The following ZXDC variants were observed in gnomAD, a reference collection of about 807,000 sequenced individuals.
The protein encoded by ZXDC is zinc finger protein ZXDC.
Under a neutral mutation model 63.6 loss-of-function variants are expected in ZXDC, and 58 were observed. The observed-to-expected ratio is 0.91, with a 90% CI of 0.74 to 1.13. The LOEUF is 1.13. Ranked by LOEUF, ZXDC falls within the 50% of genes most tolerant of loss-of-function variation. The pLI is 0.00. For missense variants in ZXDC, 1,133 were observed against 1,148.9 expected, an observed-to-expected ratio of 0.99 and a Z score of 0.20; for synonymous variants, 561 against 496.1, an observed-to-expected ratio of 1.13 and a Z score of -1.74.
intron 7 of ZXDC, chr3:126,457,815 C>G (rs1205306159): frequency 3.4e-6 from 1 of 298,444 alleles, no homozygotes; most frequent in Non-Finnish European, 5.0e-6. Context: ...GGCTGGGGGT[C>G]TCCTGCAAGA....
chr3:126,452,456 G>C (rs192968047), intron 7 of ZXDC: 1 of 985,244 alleles, frequency 1.0e-6, no homozygotes, highest in African/African-American at 1.7e-5. Flanking sequence ...TGCCACTCTC[G>C]TTCCTAACAG....
At position 126,459,657 on chromosome 3, in the gene ZXDC, A is replaced by G. The variant is rs748202039; in HGVS notation, c.2208T>C (p.Asn736=). 13 of 1,614,160 alleles carry G rather than the reference A, an allele frequency of 8.1e-6. No individual in the cohort carries two copies. The highest frequency in any genetic ancestry group is 1.0e-5 in the Non-Finnish European group (12 of 1,180,020). The change falls in exon 7 of 10, where the codon AAT becomes AAC. Residue 736 remains asparagine, a synonymous_variant. Transcript: ENST00000389709. ...CTGCAGCACACACGGCCTCACCTGCATTGCTCCCCGCTCCTCTCTGCTTTT... is the reference window on the plus strand; with the variant it reads ...CTGCAGCACACACGGCCTCACCTGCGTTGCTCCCCGCTCCTCTCTGCTTTT... ...KEKKQRGAGS[N]AGASQSTQRK...
chr3:126,438,240 ACC>A lies in ZXDC; in HGVS notation c.*133_*134del. On this transcript the variant is annotated 3_prime_UTR_variant, in exon 10 of 10. Transcript: ENST00000389709. ...AAAGGAAAACATTTTTGATAAATGT[ACC>A]CAAAAGTCTCAAAAGGGCTACGCTG... 1.4e-6 allele frequency: 1 copy of A among 723,330 alleles called. No individual in the cohort carries two copies. The allele number at this position is 723,330 out of a possible 1,614,324, so 44.8% of individuals were successfully genotyped here. A position where few individuals can be genotyped will look rare whatever the true frequency, so the allele number is the denominator to read the frequency against.
At chr3:126,453,442 T>A in intron 7 of ZXDC, 1 of 985,482 alleles carries the variant, frequency 1.0e-6, no homozygotes, top group Non-Finnish European at 1.2e-6. Flanking sequence ...GGAAGACATC[T>A]GAGGCACAAA....
chr3:126,442,067 G>A, intron 7 of ZXDC, 121 bp from the exon 8 acceptor site: 1 of 1,186,136 alleles, frequency 8.4e-7, no homozygotes, highest in South Asian at 2.7e-5. Flanking sequence ...GCACAGCTAA[G>A]AGACGTAAAA....
chr3:126,460,270 CAG>C (rs1483267623), intron 6 of ZXDC: 8 of 528,980 alleles, frequency 1.5e-5, no homozygotes, highest in South Asian at 1.6e-4. Flanking sequence ...AGACAGTACT[CAG>C]AGGACATCAG....
intron 4 of ZXDC, 108 bp from the exon 5 acceptor site, chr3:126,466,433 T>G (rs1254678790): frequency 8.3e-7 from 1 of 1,210,378 alleles, no homozygotes; most frequent in East Asian, 2.4e-5. Flanking sequence ...TTTTGCACCC[T>G]GGCTACTGGC....
chr3:126,457,794 T>C (rs1252988141), intron 7 of ZXDC: 5 of 432,474 alleles, frequency 1.2e-5, no homozygotes, highest in Non-Finnish European at 1.5e-5. Flanking sequence ...GTCACAATGG[T>C]TGCCACCAGA....
chr3:126,471,529 G>A (rs976824547), intron 3 of ZXDC, among the ~76,000 whole-genome samples: 14 of 152,118 alleles, frequency 9.2e-5, no homozygotes, highest in East Asian at 1.9e-4. Context: ...GAATCTCTCC[G>A]AGTCTCACTG....
At chr3:126,459,436 G>C (rs1300948064) in intron 7 of ZXDC, 1 of 985,296 alleles carries the variant, frequency 1.0e-6, no homozygotes, top group Non-Finnish European at 1.2e-6. Context: ...CACAAAGCTT[G>C]TTTAGGCAAA....
chr3:126,459,696 T>C lies in ZXDC; in HGVS notation c.2169A>G (p.Gln723=), dbSNP rs371468301. Residue 723 remains glutamine, a synonymous_variant, in exon 7 of 10, where the codon CAA becomes CAG. Transcript: ENST00000389709. ...CTCTCTGCTTTTTTTCCTTGGCTAG[T>C]TGAATGGCTCGGTAATCAGTTCTTG... is the stretch of plus-strand genomic sequence containing the variant. ...GSARTDYRAI[Q]LAKEKKQRGA... is the part of the protein sequence containing the mutation. The C allele has an allele frequency of 8.1e-6, 13 of 1,614,082 alleles. No individual in the cohort carries two copies. Among genetic ancestry groups the C allele is most frequent in the South Asian group, 6.6e-5 (6 of 91,092 alleles).
intron 7 of ZXDC, chr3:126,453,933 A>C (rs1934208491): frequency 1.0e-6 from 1 of 984,400 alleles, no homozygotes; most frequent in African/African-American, 1.7e-5. Flanking sequence ...TACTAATTTA[A>C]CATATTATGA....
intron 7 of ZXDC, chr3:126,453,219 A>G: frequency 2.0e-6 from 2 of 985,298 alleles, no homozygotes; most frequent in Non-Finnish European, 2.4e-6. Flanking sequence ...TCATACAGTT[A>G]ACATGATATC....
chr3:126,466,058 C>A, intron 5 of ZXDC, 97 bp downstream of exon 5: 2 of 1,419,074 alleles, frequency 1.4e-6, no homozygotes, highest in Non-Finnish European at 9.6e-7. Context: ...CACTGCCTGA[C>A]GCCTTCCAAG....
At chr3:126,441,230 G>C in intron 8 of ZXDC, 1 of 985,852 alleles carries the variant, frequency 1.0e-6, no homozygotes, top group Non-Finnish European at 1.2e-6. Context: ...GGCTGGGAGG[G>C]GCCTGGGCCT....
chr3:126,438,993 A>G (rs1405419379), intron 9 of ZXDC, among the ~76,000 whole-genome samples: 1 of 152,218 alleles, frequency 6.6e-6, no homozygotes, highest in African/African-American at 2.4e-5. Context: ...GATGGAGCAG[A>G]CACTTCTGAA....
chr3:126,453,229 C>T (rs1170260496), intron 7 of ZXDC: 13 of 985,178 alleles, frequency 1.3e-5, no homozygotes, highest in Non-Finnish European at 1.6e-5. Flanking sequence ...AACATGATAT[C>T]TGTTTATCTC....
intron 7 of ZXDC, among the ~76,000 whole-genome samples, chr3:126,456,490 C>T (rs887850741): frequency 6.6e-6 from 1 of 152,252 alleles, no homozygotes; most frequent in Non-Finnish European, 1.5e-5. Context: ...GGGCAATGGT[C>T]TCTGGGTGCT....
At chr3:126,449,176 CAGA>C (rs1454863232) in intron 7 of ZXDC, among the ~76,000 whole-genome samples, 1 of 152,234 alleles carries the variant, frequency 6.6e-6, no homozygotes, top group Non-Finnish European at 1.5e-5. Context: ...GTTGAATGTA[CAGA>C]AGAAGATGTA....
Sources: gnomAD v4.1 joint callset for allele counts (sites outside exome capture counted in the v4.1 genomes callset) on GRCh38, gnomAD v4.1.1 for gene constraint, MANE v1.5 for transcripts, NCBI Gene and HGNC (gene_info 2026-07-23, HGNC 2026-07-21) for gene names.